Variants in GLI3 observed in about 807,000 individuals in gnomAD.
GLI3 encodes GLI family zinc finger 3.
A neutral mutation model predicts 100.8 loss-of-function variants in GLI3; 20 were observed. The observed-to-expected ratio is 0.20, with a 90% CI of 0.14 to 0.29. GLI3 has a LOEUF of 0.29. Ranked by LOEUF, GLI3 falls within the 10% of genes least tolerant of loss-of-function variation. The pLI is 1.00. For missense variants in GLI3, 2,040 were observed against 2,128.5 expected, an observed-to-expected ratio of 0.96 and a Z score of 0.82; for synonymous variants, 938 against 860.5, an observed-to-expected ratio of 1.09 and a Z score of -1.58.
intron 6 of GLI3, among the ~76,000 whole-genome samples, chr7:42,042,903 G>A (rs867829787): frequency 9.2e-5 from 14 of 152,046 alleles, no homozygotes; most frequent in South Asian, 2.1e-4. Context: ...ATCTTTTAAG[G>A]TCACTCCAAC....
At chr7:42,006,044 C>A (rs1281600031) in intron 10 of GLI3, among the ~76,000 whole-genome samples, 1 of 152,130 alleles carries the variant, frequency 6.6e-6, no homozygotes, top group Non-Finnish European at 1.5e-5. Context: ...GCCACTTATC[C>A]CTAATTTGAA....
At chr7:42,183,839 C>T (rs371213132) in intron 2 of GLI3, among the ~76,000 whole-genome samples, 25 of 152,266 alleles carry the variant, frequency 1.6e-4, no homozygotes, top group African/African-American at 6.0e-4. Flanking sequence ...GCAGTAGCCT[C>T]CTAAATGACC....
At chr7:42,095,315 C>T (rs894418762) in intron 3 of GLI3, among the ~76,000 whole-genome samples, 7 of 152,284 alleles carry the variant, frequency 4.6e-5, no homozygotes, top group African/African-American at 1.7e-4. Flanking sequence ...ACCACGGAAG[C>T]GTGCAAGAAG....
intron 2 of GLI3, among the ~76,000 whole-genome samples, chr7:42,210,832 G>C (rs1475752561): frequency 1.3e-5 from 2 of 152,126 alleles, no homozygotes; most frequent in African/African-American, 2.4e-5. Flanking sequence ...GTAGGACCAT[G>C]TTTCCTCTTC....
chr7:42,184,406 T>G (rs543269933), intron 2 of GLI3, among the ~76,000 whole-genome samples: 7 of 152,276 alleles, frequency 4.6e-5, no homozygotes, highest in African/African-American at 1.7e-4. Flanking sequence ...CCATTTATGA[T>G]CATCAGAGCA....
chr7:42,023,803 G>A (rs964296265), intron 9 of GLI3, among the ~76,000 whole-genome samples, 195 bp from the exon 10 acceptor site: 20 of 152,072 alleles, frequency 1.3e-4, no homozygotes, highest in South Asian at 2.1e-4. Flanking sequence ...AGTTTTAAAC[G>A]TCTGATTCAA....
upstream of GLI3, among the ~76,000 whole-genome samples, chr7:42,240,712 C>G (rs1370754472): frequency 6.6e-6 from 1 of 152,172 alleles, no homozygotes; most frequent in African/African-American, 2.4e-5. Flanking sequence ...CTGCAACAAG[C>G]CTGTTTCCAA....
intron 2 of GLI3, among the ~76,000 whole-genome samples, chr7:42,169,585 G>T (rs990800649): frequency 6.6e-6 from 1 of 152,156 alleles, no homozygotes; most frequent in Non-Finnish European, 1.5e-5. Context: ...GTATATACTG[G>T]TTGGCCCAAT....
rs34148485 is a variant in GLI3 at position 42,148,135 on chromosome 7, GCACACACACA to G, written c.367+81_367+90del. The G allele has an allele frequency of 7.2e-3, 6,200 of 865,352 alleles. 5 individuals are homozygous for G. The highest frequency in any genetic ancestry group is 8.3e-3 in the Non-Finnish European group (4,904 of 592,820). The allele number at this position is 865,352 out of a possible 1,614,324, so 53.6% of individuals were successfully genotyped here. On this transcript the variant is annotated intron_variant, in intron 3 of 14. Coordinates refer to ENST00000395925, the MANE Select transcript of GLI3 (RefSeq NM_000168.6). ...TACAAGCCAAAACTTCATAAAGCGC[GCACACACACA>G]CACACACACACACACACACACACAC...
At chr7:42,238,274 C>T (rs559600602), upstream of GLI3, among the ~76,000 whole-genome samples, 39 of 152,204 alleles carry the variant, frequency 2.6e-4, 1 homozygote, top group South Asian at 1.5e-3. Flanking sequence ...CCATCTTCTC[C>T]CACCCAGCCT....
chr7:42,242,397 AC>A (rs1427317719), upstream of GLI3, among the ~76,000 whole-genome samples: 1 of 152,200 alleles, frequency 6.6e-6, no homozygotes, highest in African/African-American at 2.4e-5. Flanking sequence ...CAATCCACTT[AC>A]ATAAACTGCA....
chr7:42,186,823 T>C (rs1238983593), intron 2 of GLI3, among the ~76,000 whole-genome samples: 2 of 152,246 alleles, frequency 1.3e-5, no homozygotes, highest in Non-Finnish European at 2.9e-5. Context: ...ATTTTCATGA[T>C]ATCTACATTT....
intron 2 of GLI3, among the ~76,000 whole-genome samples, chr7:42,150,575 T>C (rs1786830459): frequency 6.6e-6 from 1 of 152,204 alleles, no homozygotes; most frequent in Non-Finnish European, 1.5e-5. Context: ...GTGCAAATTC[T>C]GTAGAAAGGG....
rs533425942 is a variant in GLI3, at chr7:41,987,318, G to A, written c.1498-8570C>T. 2.4e-3 allele frequency among the ~76,000 whole-genome samples: 370 copies of A among 151,968 alleles called. 4 individuals carry two copies. The highest frequency in any genetic ancestry group is 5.4e-3 in the East Asian group (28 of 5,166). ...TGAGCAACTGGGACTACAGGCATGCGCCACCACTCCCAGCTAATTTTTGTA... is the reference window on the plus strand; with the variant it reads ...TGAGCAACTGGGACTACAGGCATGCACCACCACTCCCAGCTAATTTTTGTA... On this transcript the variant is annotated intron_variant, in intron 10 of 14. Coordinates refer to ENST00000395925, the MANE Select transcript of GLI3 (RefSeq NM_000168.6).
chr7:42,119,806 T>A (rs1785950835), intron 3 of GLI3, among the ~76,000 whole-genome samples: 1 of 152,178 alleles, frequency 6.6e-6, no homozygotes, highest in Admixed American at 6.5e-5. Context: ...TTCTGAATAA[T>A]TTGACTAGAA....
intron 1 of GLI3, among the ~76,000 whole-genome samples, chr7:42,262,225 T>TTCCTTCCTCCCTTCCTTCC (rs1789151410): frequency 8.4e-6 from 1 of 118,700 alleles, no homozygotes. Flanking sequence ...TCCTTCCTTC[T>TTCCTTCCTCCCTTCCTTCC]TTCCTTCCTT....
chr7:42,101,931 C>A (rs1282417500), intron 3 of GLI3, among the ~76,000 whole-genome samples: 1 of 144,106 alleles, frequency 6.9e-6, no homozygotes, highest in African/African-American at 2.7e-5. Context: ...TGAGAATATG[C>A]GGTGTTTGGT....
intron 1 of GLI3, among the ~76,000 whole-genome samples, chr7:42,224,627 C>G (rs1421303631): frequency 2.0e-5 from 3 of 152,364 alleles, no homozygotes; most frequent in Admixed American, 1.3e-4. Context: ...AAAAGAAGCA[C>G]TAAGTTAAAT....
chr7:42,078,759 T>G (rs1484881858), intron 3 of GLI3, among the ~76,000 whole-genome samples: 1 of 134,318 alleles, frequency 7.4e-6, no homozygotes, highest in Non-Finnish European at 1.5e-5. Flanking sequence ...AGACGGAGTC[T>G]CACTCAGTCA....
Sources: allele counts gnomAD v4.1 joint callset (sites outside exome capture counted in the v4.1 genomes callset), GRCh38; gene constraint gnomAD v4.1.1; transcripts MANE v1.5; gene names NCBI Gene and HGNC (gene_info 2026-07-23, HGNC 2026-07-21).